HGF: variants seen among roughly 807,000 people sequenced by gnomAD.
HGF encodes fibroblast-derived tumor cytotoxic factor.
Under a neutral mutation model 111.6 loss-of-function variants are expected in HGF, and 39 were observed. The ratio of observed to expected loss-of-function variants is 0.35; its 90% CI spans 0.27 to 0.46. The LOEUF is 0.46. Ranked by LOEUF, HGF falls within the 20% of genes least tolerant of loss-of-function variation. HGF has a pLI of 1.00. For missense variants in HGF, 735 were observed against 910.5 expected (o/e 0.81, Z 2.48); for synonymous variants, 285 against 294.8 (o/e 0.97, Z 0.34).
intron 13 of HGF, among the ~76,000 whole-genome samples, 158 bp downstream of exon 13, chr7:81,709,989 G>A (rs1016115143): frequency 1.3e-5 from 2 of 152,116 alleles, no homozygotes; most frequent in Non-Finnish European, 2.9e-5. Context: ...AGAGCTTACA[G>A]TCTGGCAAGC....
intron 12 of HGF, 22 bp from the exon 13 acceptor site, chr7:81,710,265 C>A: frequency 6.6e-7 from 1 of 1,521,384 alleles, no homozygotes; most frequent in Non-Finnish European, 9.1e-7. Flanking sequence ...CCAAACATAA[C>A]ATTTTTTAAA....
At position 81,717,302 on chromosome 7, in the gene HGF, A is replaced by G; in HGVS notation, c.1335T>C (p.Asp445=). The change falls in exon 11 of 18, where the codon GAT becomes GAC. Residue 445 remains aspartate, a synonymous_variant. Coordinates refer to ENST00000222390, the MANE Select transcript of HGF (RefSeq NM_000601.6). ...TGTAGCACCAGGGTCCATGAGCATC[A>G]TCATCTGGATTTCGGCAGTAATTCT... ...LNENYCRNPD[D]DAHGPWCYTG... The G allele has an allele frequency of 6.2e-7, 1 of 1,613,608 alleles. No individual in the cohort carries two copies. Among genetic ancestry groups the G allele is most frequent in the Non-Finnish European group, 8.5e-7 (1 of 1,179,504 alleles).
chr7:81,707,024 G>A (rs985175686), intron 14 of HGF, among the ~76,000 whole-genome samples: 1 of 151,760 alleles, frequency 6.6e-6, no homozygotes, highest in Admixed American at 6.6e-5. Context: ...TAGAAAGTTG[G>A]GATATAAAAC....
rs867350944 is a variant in HGF, at chr7:81,725,811, T to C, written c.1168+79A>G. The C allele has an allele frequency of 2.3e-4, 345 of 1,472,744 alleles. 1 individual carries two copies. The Middle Eastern group carries it at 8.1e-3, about 35-fold the overall frequency. The allele number at this position is 1,472,744 out of a possible 1,614,324, so 91.2% of individuals were successfully genotyped here. A position where few individuals can be genotyped will look rare whatever the true frequency, so the allele number is the denominator to read the frequency against. On this transcript the variant is annotated intron_variant, in intron 9 of 17. Coordinates refer to ENST00000222390, the MANE Select transcript of HGF (RefSeq NM_000601.6). ...AACCAGTGCAGCAAGAAGTAGATCT[T>C]ATGCTGTAAAATGTGTCCTCCCTTT...
At chr7:81,740,522 A>T (rs1479932978) in intron 7 of HGF, among the ~76,000 whole-genome samples, 1 of 152,214 alleles carries the variant, frequency 6.6e-6, no homozygotes, top group African/African-American at 2.4e-5. Context: ...GAGATTTTGC[A>T]TATGTAATTA....
chr7:81,742,882 T>C, intron 7 of HGF: 1 of 1,610,654 alleles, frequency 6.2e-7, no homozygotes. Flanking sequence ...AGACTCATTA[T>C]TCTTCACTGC....
At chr7:81,752,001 G>A in intron 5 of HGF, 119 bp downstream of exon 5, 1 of 1,508,028 alleles carries the variant, frequency 6.6e-7, no homozygotes, top group Non-Finnish European at 8.9e-7. Flanking sequence ...ATTTGTAGTT[G>A]CATTTGCACG....
At chr7:81,740,779 C>A (rs1787974234) in intron 7 of HGF, among the ~76,000 whole-genome samples, 1 of 152,188 alleles carries the variant, frequency 6.6e-6, no homozygotes, top group Non-Finnish European at 1.5e-5. Context: ...TCTGTCAAAA[C>A]TAGTGAACTT....
At chr7:81,711,990 T>C (rs1469978691) in intron 11 of HGF, among the ~76,000 whole-genome samples, 1 of 152,144 alleles carries the variant, frequency 6.6e-6, no homozygotes, top group African/African-American at 2.4e-5. Flanking sequence ...AAATGTAAAC[T>C]CTTTTGAGTA....
chr7:81,703,343 A>C (rs1393939033), intron 17 of HGF, among the ~76,000 whole-genome samples: 1 of 150,736 alleles, frequency 6.6e-6, no homozygotes, highest in East Asian at 1.9e-4. Flanking sequence ...TTGCTTTTCC[A>C]GGCAAGGAAT....
intron 7 of HGF, among the ~76,000 whole-genome samples, chr7:81,734,456 C>A (rs1187654294): frequency 6.6e-6 from 1 of 152,110 alleles, no homozygotes; most frequent in East Asian, 1.9e-4. Flanking sequence ...CCTCTTGGAA[C>A]ATTAATTTCA....
intron 4 of HGF, chr7:81,754,992 A>C (rs1788689872): frequency 6.6e-6 from 1 of 152,136 alleles, no homozygotes; most frequent in Admixed American, 6.6e-5. Context: ...AAATTGGGTT[A>C]CATCCAAATA....
At position 81,707,276 on chromosome 7, in the gene HGF, T is replaced by A; in HGVS notation, c.1616+14A>T. On this transcript the variant is annotated intron_variant, in intron 14 of 17. Transcript: ENST00000222390. ...TAAAGGCTCAAAATAATACTAGTTT[T>A]AAAAACACTTTACCGAGAAGGGAAA... The A allele has an allele frequency of 2.0e-6, 3 of 1,508,004 alleles. No individual in the cohort carries two copies. Among genetic ancestry groups the A allele is most frequent in the Non-Finnish European group, 2.8e-6 (3 of 1,084,144 alleles). 93.4% of individuals were successfully genotyped at this position (1,508,004 alleles called of 1,614,324 possible).
At position 81,710,249 on chromosome 7, in the gene HGF, A is replaced by G. The variant is rs763788860; in HGVS notation, c.1445-6T>C. On this transcript the variant is annotated splice_polypyrimidine_tract_variant and splice_region_variant and intron_variant, in intron 12 of 17. Coordinates refer to ENST00000222390, the MANE Select transcript of HGF (RefSeq NM_000601.6). The stretch of plus-strand genomic sequence containing the variant: ...GGCACAAGATATTACGGGATCTGAA[A>G]CAGGACCAAACATAACATTTTTTAA... 1 of 1,581,710 alleles carries G rather than the reference A, an allele frequency of 6.3e-7. No individual in the cohort carries two copies. Among genetic ancestry groups the G allele is most frequent in the South Asian group, 1.1e-5 (1 of 90,514 alleles).
At chr7:81,755,923 G>C in intron 4 of HGF, 1 of 680,490 alleles carries the variant, frequency 1.5e-6, no homozygotes, top group Non-Finnish European at 2.7e-6. Context: ...TTTAATCCCA[G>C]TGTGGAGCAA....
At chr7:81,764,163 G>C (rs1330243896) in intron 1 of HGF, among the ~76,000 whole-genome samples, 2 of 152,106 alleles carry the variant, frequency 1.3e-5, no homozygotes, top group Admixed American at 1.3e-4. Context: ...ACAACTAGCA[G>C]AGTGAGGTAC....
chr7:81,699,667 C>A lies in HGF; in HGVS notation c.*2914G>T, dbSNP rs1789233878. ...CTGACAGCAATTTCCCACTTCTTGA[C>A]AGTGTTCTTTTCAAGAGAATGTTGT... On this transcript the variant is annotated 3_prime_UTR_variant, in exon 18 of 18. Coordinates refer to ENST00000222390, the MANE Select transcript of HGF (RefSeq NM_000601.6). 1 of 151,608 alleles carries A rather than the reference C, an allele frequency of 6.6e-6. No homozygotes were observed. The highest frequency in any genetic ancestry group is 1.5e-5 in the Non-Finnish European group (1 of 67,686). 9.4% of individuals were successfully genotyped at this position (151,608 alleles called of 1,614,324 possible).
At position 81,705,728 on chromosome 7, in the gene HGF, T is replaced by G; in HGVS notation, c.1783A>C (p.Ser595Arg). The G allele has an allele frequency of 6.2e-7, 1 of 1,611,304 alleles. No individual in the cohort carries two copies. The highest frequency in any genetic ancestry group is 1.7e-4 in the Middle Eastern group (1 of 6,046). ...ARPAVLDDFV[S>R]TIDLPNYGCT... Reference sequence around the variant, plus strand: ...CCATAATTAGGTAAATCAATCGTACTAACAAAATCATCCAGGACAGCAGGC... The same window carrying G: ...CCATAATTAGGTAAATCAATCGTACGAACAAAATCATCCAGGACAGCAGGC... The change falls in exon 16 of 18, where the codon AGT (serine) becomes CGT (arginine). Residue 595 changes from serine (S) to arginine (R), a missense_variant. Coordinates refer to ENST00000222390, the MANE Select transcript of HGF (RefSeq NM_000601.6).
intron 2 of HGF, among the ~76,000 whole-genome samples, chr7:81,760,653 A>T (rs1352899708): frequency 6.7e-6 from 1 of 149,648 alleles, no homozygotes; most frequent in Non-Finnish European, 1.5e-5. Flanking sequence ...TAATAATCCC[A>T]AATACATATG....
Sources: gnomAD v4.1 joint callset for allele counts (sites outside exome capture counted in the v4.1 genomes callset) on GRCh38, gnomAD v4.1.1 for gene constraint, MANE v1.5 for transcripts, NCBI Gene and HGNC (gene_info 2026-07-23, HGNC 2026-07-21) for gene names.